SEPTIN9: variants seen among roughly 807,000 people sequenced by gnomAD.
The protein encoded by SEPTIN9 is septin-9.
A neutral mutation model predicts 56.6 loss-of-function variants in SEPTIN9; 13 were observed. The ratio of observed to expected loss-of-function variants is 0.23; its 90% CI spans 0.15 to 0.37. The LOEUF (loss-of-function observed/expected upper bound fraction) is 0.37. SEPTIN9 is among the 10% of genes least tolerant of loss of function. SEPTIN9 has a pLI of 1.00. For missense variants in SEPTIN9, 650 were observed against 823.1 expected, an observed-to-expected ratio of 0.79 and a Z score of 2.57; for synonymous variants, 332 against 334.1, an observed-to-expected ratio of 0.99 and a Z score of 0.07.
intron 1 of SEPTIN9, among the ~76,000 whole-genome samples, chr17:77,303,951 A>G (rs1450942466): frequency 1.3e-5 from 2 of 152,016 alleles, no homozygotes; most frequent in South Asian, 2.1e-4. Flanking sequence ...AAACTCAAAT[A>G]CTTTCATCTG....
In SEPTIN9 at chr17:77,366,420, T is replaced by C. The variant is rs1303792778; in HGVS notation, c.77-35639T>C. 4.6e-5 allele frequency among the ~76,000 whole-genome samples: 7 copies of C among 152,170 alleles called. 1 individual carries two copies. The highest frequency in any genetic ancestry group is 2.6e-4 in the Admixed American group (4 of 15,270). On this transcript the variant is annotated intron_variant, in intron 2 of 11. Transcript: ENST00000427177. ...ATCAGGAAGAAAACATGAGCTATCATGTCTGGGTTATACCTCAGCAGAGCC... is the reference window on the plus strand; with the variant it reads ...ATCAGGAAGAAAACATGAGCTATCACGTCTGGGTTATACCTCAGCAGAGCC...
intron 1 of SEPTIN9, among the ~76,000 whole-genome samples, chr17:77,300,558 A>G (rs2031992957): frequency 6.6e-6 from 1 of 152,170 alleles, no homozygotes; most frequent in African/African-American, 2.4e-5. Context: ...AAGCTTGAGT[A>G]TTTTAGTTGT....
chr17:77,357,077 G>C (rs2034278365), intron 2 of SEPTIN9, among the ~76,000 whole-genome samples: 1 of 152,034 alleles, frequency 6.6e-6, no homozygotes, highest in South Asian at 2.1e-4. Flanking sequence ...CAAGGTGTCG[G>C]AGGAAGGGGC....
At chr17:77,354,412 G>A (rs1309993535) in intron 2 of SEPTIN9, among the ~76,000 whole-genome samples, 1 of 152,162 alleles carries the variant, frequency 6.6e-6, no homozygotes, top group African/African-American at 2.4e-5. Context: ...CTTTGGTTGT[G>A]TTTTGCTGTG....
chr17:77,343,199 G>C (rs1182049987), intron 2 of SEPTIN9, among the ~76,000 whole-genome samples: 1 of 152,220 alleles, frequency 6.6e-6, no homozygotes, highest in East Asian at 1.9e-4. Flanking sequence ...ACCCAGCCTT[G>C]TGATTAGAAG....
intron 2 of SEPTIN9, among the ~76,000 whole-genome samples, chr17:77,382,817 G>A (rs1300338195): frequency 6.6e-6 from 1 of 152,162 alleles, no homozygotes; most frequent in Non-Finnish European, 1.5e-5. Context: ...AGAGGGAGGA[G>A]GGTGGAGGCA....
chr17:77,493,302 A>G (rs1471155294), intron 10 of SEPTIN9: 2 of 556,722 alleles, frequency 3.6e-6, no homozygotes, highest in African/African-American at 3.8e-5. Flanking sequence ...GGGCAGGGAA[A>G]GATTCAGGGA....
chr17:77,336,608 C>G (rs761898767), intron 2 of SEPTIN9, among the ~76,000 whole-genome samples: 2 of 152,054 alleles, frequency 1.3e-5, no homozygotes, highest in African/African-American at 2.4e-5. Flanking sequence ...ATCTTATATC[C>G]TATGATCTTT....
intron 7 of SEPTIN9, among the ~76,000 whole-genome samples, 160 bp from the exon 8 acceptor site, chr17:77,490,578 ACACT>A (rs1164048434): frequency 2.0e-5 from 3 of 152,046 alleles, no homozygotes; most frequent in African/African-American, 7.2e-5. Flanking sequence ...CCTCTGCCCC[ACACT>A]CACAGCGTGG....
Position 77,499,576 on chromosome 17 carries a change from G to C in SEPTIN9, c.*918G>C. On this transcript the variant is annotated 3_prime_UTR_variant, in exon 12 of 12. Transcript: ENST00000427177. Reference sequence around the variant, plus strand: ...GGAAGGTTGGCGGGGGCACGTGTGGGCCGTGGCTTGGGCTGGTCAGAGTGG... The same window carrying C: ...GGAAGGTTGGCGGGGGCACGTGTGGCCCGTGGCTTGGGCTGGTCAGAGTGG... 2.2e-6 allele frequency: 1 copy of C among 449,706 alleles called. No homozygotes were observed. The highest frequency in any genetic ancestry group is 4.2e-6 in the Non-Finnish European group (1 of 235,328). The allele number at this position is 449,706 out of a possible 1,614,324, so 27.9% of individuals were successfully genotyped here.
rs569777775 is a variant in SEPTIN9 at position 77,329,351 on chromosome 17, G to A, written c.76+22154G>A. Among the ~76,000 whole-genome samples the A allele has an allele frequency of 6.6e-6, 1 of 152,332 alleles. No homozygotes were observed. Among genetic ancestry groups the A allele is most frequent in the South Asian group, 2.1e-4 (1 of 4,822 alleles). ...GCTGCCCCCGTCAGCATCCAGCAGA[G>A]GCCACTGGATGCTGACAGGTGGCCG... is the stretch of plus-strand genomic sequence containing the variant. On this transcript the variant is annotated intron_variant, in intron 2 of 11. Coordinates refer to ENST00000427177, the MANE Select transcript of SEPTIN9 (RefSeq NM_001113491.2). This position sits in a 1 kb window ranked among gnomAD's most constrained non-coding sequence, Gnocchi z 4.3.
At chr17:77,356,665 T>TCCTTCC (rs1568011510) in intron 2 of SEPTIN9, among the ~76,000 whole-genome samples, 4 of 52,382 alleles carry the variant, frequency 7.6e-5, no homozygotes, top group South Asian at 1.0e-3. Flanking sequence ...CTTCCTGCTT[T>TCCTTCC]CCCTCCCCCT....
chr17:77,426,741 TG>T (rs1210082104), intron 3 of SEPTIN9, among the ~76,000 whole-genome samples: 5 of 152,184 alleles, frequency 3.3e-5, no homozygotes, highest in Non-Finnish European at 7.3e-5. Context: ...TGGCTTTCTA[TG>T]GGGCATGGAT....
intron 2 of SEPTIN9, among the ~76,000 whole-genome samples, chr17:77,354,176 T>G (rs2034149700): frequency 6.6e-6 from 1 of 152,258 alleles, no homozygotes; most frequent in African/African-American, 2.4e-5. Context: ...TGCCAGATGC[T>G]GTTCTCAGCA....
chr17:77,418,636 C>T (rs1432702164), intron 3 of SEPTIN9, among the ~76,000 whole-genome samples: 2 of 152,224 alleles, frequency 1.3e-5, no homozygotes, highest in East Asian at 3.8e-4. Flanking sequence ...AGCCGCCACG[C>T]CCAGCCTCCA....
intron 2 of SEPTIN9, among the ~76,000 whole-genome samples, chr17:77,401,647 G>A (rs913829205): frequency 2.0e-5 from 3 of 152,036 alleles, no homozygotes; most frequent in African/African-American, 7.3e-5. Context: ...TGGGGAGGCT[G>A]AGGTAGGAGA....
At position 77,281,537 on chromosome 17, in the gene SEPTIN9, TGAA is replaced by T. The variant is rs2031019648; in HGVS notation, c.7_9del (p.Lys3?). On this transcript the variant is annotated start_lost and inframe_deletion, in exon 1 of 12. Transcript: ENST00000427177. ...GGGAGCGGCGGCCACGGAGGCACCA[TGAA>T]GAAGTCTTACTCAGGTGGGCTTCGC... The T allele has an allele frequency of 1.3e-6, 2 of 1,549,950 alleles. No homozygotes were observed. Among genetic ancestry groups the T allele is most frequent in the Non-Finnish European group, 8.7e-7 (1 of 1,147,630 alleles).
rs531703228 is a variant in SEPTIN9 at position 77,443,905 on chromosome 17, G to A, written c.722-38239G>A. Among the ~76,000 whole-genome samples the A allele has an allele frequency of 2.8e-4, 43 of 152,214 alleles. 1 individual carries two copies. Among genetic ancestry groups the A allele is most frequent in the Non-Finnish European group, 2.1e-4 (14 of 68,042 alleles). On this transcript the variant is annotated intron_variant, in intron 3 of 11. Coordinates refer to ENST00000427177, the MANE Select transcript of SEPTIN9 (RefSeq NM_001113491.2). The stretch of plus-strand genomic sequence containing the variant: ...AGGGCGAGCACTTCTTAGAAAGGTG[G>A]AAATGGGCCCTCCTGCTACAGAGAC...
Position 77,329,135 on chromosome 17 carries a change from T to C in SEPTIN9, c.76+21938T>C, listed in dbSNP as rs933200773. 6.6e-6 allele frequency among the ~76,000 whole-genome samples: 1 copy of C among 152,136 alleles called. No individual in the cohort carries two copies. Among genetic ancestry groups the C allele is most frequent in the African/African-American group, 2.4e-5 (1 of 41,426 alleles). On this transcript the variant is annotated intron_variant, in intron 2 of 11. Coordinates refer to ENST00000427177, the MANE Select transcript of SEPTIN9 (RefSeq NM_001113491.2). The surrounding 1 kb of genome is among the most constrained non-coding windows in gnomAD (Gnocchi z 4.3). The stretch of plus-strand genomic sequence containing the variant: ...GGCCTTGGAGGCCCTGGTGAGGGCT[T>C]GATTTTATTCTCACTATGGTGGGAC...
Sources: allele counts gnomAD v4.1 joint callset (sites outside exome capture counted in the v4.1 genomes callset), GRCh38; gene constraint gnomAD v4.1.1; non-coding constraint Gnocchi (gnomAD v3.1); transcripts MANE v1.5; gene names NCBI Gene and HGNC (gene_info 2026-07-23, HGNC 2026-07-21).